The following PRDM14 variants were observed in gnomAD, a reference collection of about 807,000 sequenced individuals.
The protein encoded by PRDM14 is PR/SET domain 14.
PRDM14 carries 16 observed loss-of-function variants against 48.0 expected under a neutral mutation model. That is an observed-to-expected ratio of 0.33 (90% CI 0.23 to 0.51). The LOEUF is 0.51. Among genes scored for constraint, PRDM14 ranks in the 20% least tolerant of loss-of-function variants. PRDM14 has a pLI of 0.97. For synonymous variants in PRDM14, 264 were observed against 276.6 expected (o/e 0.95, Z 0.45); for missense variants, 566 against 719.6 (o/e 0.79, Z 2.44).
At chr8:70,068,555 A>C in intron 2 of PRDM14, 23 bp from the exon 3 acceptor site, 2 of 1,609,832 alleles carry the variant, frequency 1.2e-6, no homozygotes, top group Non-Finnish European at 1.7e-6. Flanking sequence ...AGGTTAAAAC[A>C]ATTTTTCATT....
At position 70,069,689 on chromosome 8, in the gene PRDM14, C is replaced by T. The variant is rs1461269058; in HGVS notation, c.172G>A (p.Ala58Thr). The T allele has an allele frequency of 5.1e-6, 8 of 1,554,452 alleles. No homozygotes were observed. Among genetic ancestry groups the T allele is most frequent in the South Asian group, 4.7e-5 (4 of 84,848 alleles). Residue 58 changes from alanine to threonine, a missense_variant, in exon 2 of 8, where the codon GCC (alanine) becomes ACC (threonine). Physicochemically the swap from Ala to Thr is moderately conservative, Grantham distance 58. Transcript: ENST00000276594. ...ATGGCGGGGGCAGCAGACGCTGCGG[C>T]CTCCAGCTGCCGGAAAGGTTGGAAG... ...EDFQPFRQLE[A>T]AASAAPAMPP...
chr8:70,065,054 T>C (rs73285311), intron 5 of PRDM14, among the ~76,000 whole-genome samples: 3,443 of 151,944 alleles, frequency 0.023, 130 homozygotes, highest in African/African-American at 0.079. Context: ...GCCCCGCTAA[T>C]TTTTTGTATT....
intron 5 of PRDM14, among the ~76,000 whole-genome samples, chr8:70,059,909 C>T (rs543571208): frequency 1.3e-5 from 2 of 151,860 alleles, no homozygotes; most frequent in African/African-American, 4.8e-5. Flanking sequence ...GCCTGGCCAA[C>T]ATGGTGAAAT....
At chr8:70,056,671 G>T (rs920410823) in intron 6 of PRDM14, among the ~76,000 whole-genome samples, 5 of 151,770 alleles carry the variant, frequency 3.3e-5, no homozygotes, top group Non-Finnish European at 5.9e-5. Context: ...AAAATTAGCT[G>T]AGCATGGTGG....
intron 5 of PRDM14, 135 bp downstream of exon 5, chr8:70,066,100 T>C: frequency 1.0e-6 from 1 of 963,692 alleles, no homozygotes; most frequent in Admixed American, 2.5e-5. Context: ...AATTCCCCCC[T>C]GGTTAGAGAC....
At chr8:70,059,111 C>G (rs1043377584) in intron 5 of PRDM14, among the ~76,000 whole-genome samples, 1 of 151,840 alleles carries the variant, frequency 6.6e-6, no homozygotes, top group African/African-American at 2.4e-5. Context: ...CCCACTACCA[C>G]GCCTGGCTAA....
intron 7 of PRDM14, 83 bp downstream of exon 7, chr8:70,055,217 A>T: frequency 2.7e-6 from 2 of 744,096 alleles, no homozygotes; most frequent in Non-Finnish European, 4.6e-6. Context: ...AGAACTCATT[A>T]AGCCAGGCTT....
intron 7 of PRDM14, among the ~76,000 whole-genome samples, chr8:70,053,461 G>A (rs1255290634): frequency 6.6e-6 from 1 of 151,986 alleles, no homozygotes; most frequent in Non-Finnish European, 1.5e-5. Context: ...CACAATCTTG[G>A]CTCACTGCAA....
intron 7 of PRDM14, among the ~76,000 whole-genome samples, chr8:70,053,833 G>A (rs552497451): frequency 9.9e-5 from 15 of 152,082 alleles, no homozygotes; most frequent in African/African-American, 3.1e-4. Context: ...CTCCTTTTAC[G>A]GCTTTACTGT....
rs760384826 is a variant in PRDM14, at chr8:70,069,377, C to G, written c.484G>C (p.Glu162Gln). Reference sequence around the variant, plus strand: ...AATAACTGGGAGGTCCTCAGCCCCTCAGGTAACAGAGAAGCATCCGCAGGG... The same window carrying G: ...AATAACTGGGAGGTCCTCAGCCCCTGAGGTAACAGAGAAGCATCCGCAGGG... ...PPPADASLLP[E>Q]GLRTSQLLPC... Residue 162 changes from glutamate to glutamine, a missense_variant, in exon 2 of 8, where the codon GAG (glutamate) becomes CAG (glutamine). Glu to Gln is a conservative substitution (Grantham distance 29). This residue lies in a region of PRDM14 where 410 missense variants were observed against 424.6 expected (regional missense o/e 0.97). Transcript: ENST00000276594. 1.2e-6 allele frequency: 2 copies of G among 1,611,880 alleles called. No homozygotes were observed. The highest frequency in any genetic ancestry group is 4.5e-5 in the East Asian group (2 of 44,840).
intron 4 of PRDM14, among the ~76,000 whole-genome samples, chr8:70,066,953 C>T (rs1179415941): frequency 6.6e-6 from 1 of 152,094 alleles, no homozygotes; most frequent in East Asian, 1.9e-4. Context: ...TGGCCTCAAA[C>T]TCCTGGGTTC....
chr8:70,068,680 C>A, intron 2 of PRDM14, 148 bp from the exon 3 acceptor site: 1 of 713,304 alleles, frequency 1.4e-6, no homozygotes, highest in Non-Finnish European at 2.4e-6. Context: ...GCTCATTTTA[C>A]ATGGTCTGTT....
At chr8:70,067,314 T>C (rs1210358980) in intron 4 of PRDM14, among the ~76,000 whole-genome samples, 2 of 151,902 alleles carry the variant, frequency 1.3e-5, no homozygotes, top group African/African-American at 4.8e-5. Context: ...AGGTCAGGAG[T>C]TCGAGACCAG....
intron 7 of PRDM14, among the ~76,000 whole-genome samples, chr8:70,053,098 TAAAAAAAAAA>T (rs71275048): frequency 1.2e-5 from 1 of 82,170 alleles, no homozygotes; most frequent in African/African-American, 4.8e-5. Flanking sequence ...ACCCTCTCTT[TAAAAAAAAAA>T]AAAAAAAAAA....
intron 1 of PRDM14, among the ~76,000 whole-genome samples, chr8:70,070,180 G>A (rs1285003647): frequency 6.6e-6 from 1 of 152,200 alleles, no homozygotes; most frequent in African/African-American, 2.4e-5. Flanking sequence ...CCTAAGCCCG[G>A]CCGCCTTCCC....
At chr8:70,056,816 C>CAAAAAA (rs761330044) in intron 6 of PRDM14, among the ~76,000 whole-genome samples, 8 of 75,378 alleles carry the variant, frequency 1.1e-4, no homozygotes, top group African/African-American at 4.0e-4. Flanking sequence ...GAGACTGTCT[C>CAAAAAA]AAAAAAAAAA....
At chr8:70,069,913 ACCGCGCGGGAGCTTCCCGGGGTCCGAC>A (rs1204356865) in intron 1 of PRDM14, 29 bp from the exon 2 acceptor site, 1 of 1,393,324 alleles carries the variant, frequency 7.2e-7, no homozygotes, top group African/African-American at 1.4e-5. Context: ...CGCTGAGGAC[ACCGCGCGGGAGCTTCCCGGGGTCCGAC>A]CCGCGCCTCC....
chr8:70,068,498 G>C lies in PRDM14; in HGVS notation c.735C>G (p.Asp245Glu). Residue 245 changes from aspartate (D) to glutamate (E), a missense_variant, in exon 3 of 8, where the codon GAC becomes GAG. This residue lies in a region of PRDM14 where 410 missense variants were observed against 424.6 expected (regional missense o/e 0.97). Coordinates refer to ENST00000276594, the MANE Select transcript of PRDM14 (RefSeq NM_024504.4). ...SDSLPQTLDK[D>E]SLQLPEGLCL... ...GCCTACCTTCTGGAAGTTGAAGGGA[G>C]TCTTTATCCAGAGTTTGAGGAAGAG... 6.2e-7 allele frequency: 1 copy of C among 1,614,144 alleles called. No individual in the cohort carries two copies. The highest frequency in any genetic ancestry group is 8.5e-7 in the Non-Finnish European group (1 of 1,179,998).
At chr8:70,064,472 GC>G (rs1196108819) in intron 5 of PRDM14, among the ~76,000 whole-genome samples, 1 of 151,032 alleles carries the variant, frequency 6.6e-6, no homozygotes, top group Non-Finnish European at 1.5e-5. Flanking sequence ...GTTATTTCCT[GC>G]CCTGAAGCAT....
Sources: allele counts gnomAD v4.1 joint callset (sites outside exome capture counted in the v4.1 genomes callset), GRCh38; gene constraint gnomAD v4.1.1; regional missense constraint gnomAD v4.1.1; transcripts MANE v1.5; gene names NCBI Gene and HGNC (gene_info 2026-07-23, HGNC 2026-07-21).